FAM227B: variants seen among roughly 807,000 people sequenced by gnomAD.
FAM227B encodes the protein family with sequence similarity 227 member B.
Under a neutral mutation model 73.8 loss-of-function variants are expected in FAM227B, and 88 were observed. That is an observed-to-expected ratio of 1.19 (90% CI 1.00 to 1.42). The LOEUF is 1.42. FAM227B is among the 40% of genes most tolerant of loss of function. FAM227B has a pLI of 0.00. For missense variants in FAM227B, 632 were observed against 590.9 expected, an observed-to-expected ratio of 1.07 and a Z score of -0.72; for synonymous variants, 210 against 190.5, an observed-to-expected ratio of 1.10 and a Z score of -0.84.
At chr15:49,434,627 C>A (rs567021789) in intron 11 of FAM227B, 1 of 151,622 alleles carries the variant, frequency 6.6e-6, no homozygotes, top group East Asian at 2.0e-4. Context: ...TAACATCTTT[C>A]CAAGTATCAA....
At chr15:49,533,545 G>C (rs1366890385) in intron 10 of FAM227B, among the ~76,000 whole-genome samples, 7 of 151,560 alleles carry the variant, frequency 4.6e-5, no homozygotes, top group African/African-American at 1.5e-4. Flanking sequence ...TATATATTTA[G>C]GTGCTCCAAC....
At chr15:49,343,819 A>G (rs1362546199) in intron 13 of FAM227B, 1 of 152,238 alleles carries the variant, frequency 6.6e-6, no homozygotes, top group African/African-American at 2.4e-5. Flanking sequence ...AGATCTGATC[A>G]TACTACACAA....
At chr15:49,611,073 A>G (rs1258294499) in intron 3 of FAM227B, 142 bp downstream of exon 3, 2 of 530,712 alleles carry the variant, frequency 3.8e-6, no homozygotes, top group South Asian at 3.0e-5. Flanking sequence ...CTCAAAGGAC[A>G]TAAGTATTTA....
At chr15:49,385,031 T>C (rs16962416) in intron 11 of FAM227B, among the ~76,000 whole-genome samples, 3,318 of 152,086 alleles carry the variant, frequency 0.022, 92 homozygotes, top group South Asian at 0.078. Context: ...TTGCTCTTCC[T>C]GTAAAACGTG....
At chr15:49,486,854 C>T (rs1467834788) in intron 11 of FAM227B, 52 of 151,784 alleles carry the variant, frequency 3.4e-4, no homozygotes, top group Admixed American at 3.0e-3. Flanking sequence ...TAGTTACACA[C>T]CTTTAGAATT....
At chr15:49,406,266 G>A (rs1307428345) in intron 11 of FAM227B, among the ~76,000 whole-genome samples, 1 of 152,146 alleles carries the variant, frequency 6.6e-6, no homozygotes. Context: ...ATGTGGTGGG[G>A]TGCACACTCG....
chr15:49,538,422 C>G (rs925650025), intron 10 of FAM227B, among the ~76,000 whole-genome samples: 2 of 152,134 alleles, frequency 1.3e-5, no homozygotes, highest in Non-Finnish European at 2.9e-5. Context: ...AAGGTGAAAG[C>G]ATTGACTCAG....
intron 3 of FAM227B, 127 bp downstream of exon 3, chr15:49,611,088 C>A (rs2077882498): frequency 5.2e-6 from 3 of 573,502 alleles, no homozygotes; most frequent in Non-Finnish European, 9.5e-6. Flanking sequence ...TATTTATATA[C>A]ACACTTTCCT....
chr15:49,397,650 T>G (rs564390072), intron 11 of FAM227B, among the ~76,000 whole-genome samples: 67 of 152,340 alleles, frequency 4.4e-4, no homozygotes, highest in African/African-American at 1.6e-3. Context: ...AGCGGATCTC[T>G]TGGCAGAAAC....
At chr15:49,512,102 G>T (rs2059045974) in intron 10 of FAM227B, among the ~76,000 whole-genome samples, 1 of 151,862 alleles carries the variant, frequency 6.6e-6, no homozygotes, top group Non-Finnish European at 1.5e-5. Flanking sequence ...GAACATGCAG[G>T]TTTGTTACAT....
chr15:49,346,660 T>C (rs2041554418), intron 13 of FAM227B, among the ~76,000 whole-genome samples: 1 of 152,166 alleles, frequency 6.6e-6, no homozygotes, highest in Non-Finnish European at 1.5e-5. Context: ...CCCTTAGAGA[T>C]AGTCTTTGGA....
intron 13 of FAM227B, among the ~76,000 whole-genome samples, chr15:49,357,376 G>C (rs1209053442): frequency 6.7e-6 from 1 of 148,808 alleles, no homozygotes; most frequent in African/African-American, 2.5e-5. Flanking sequence ...GAATCAAATA[G>C]ACGCAATAAA....
chr15:49,566,220 A>T (rs999666608), intron 9 of FAM227B, among the ~76,000 whole-genome samples: 15 of 152,094 alleles, frequency 9.9e-5, no homozygotes, highest in Admixed American at 6.6e-5. Context: ...AAAGGGAAAA[A>T]CTCTATAATA....
intron 9 of FAM227B, among the ~76,000 whole-genome samples, chr15:49,543,373 G>C (rs756899978): frequency 1.3e-5 from 2 of 151,976 alleles, no homozygotes; most frequent in Non-Finnish European, 2.9e-5. Context: ...TTTTCTTGCT[G>C]ATTCGTTTGA....
intron 10 of FAM227B, among the ~76,000 whole-genome samples, chr15:49,515,045 C>T (rs993635651): frequency 5.9e-5 from 9 of 152,100 alleles, no homozygotes; most frequent in African/African-American, 2.4e-5. Flanking sequence ...CAGCCATTAC[C>T]TTCTCAAATA....
intron 9 of FAM227B, among the ~76,000 whole-genome samples, chr15:49,562,472 C>T (rs1257705519): frequency 3.3e-5 from 5 of 151,854 alleles, no homozygotes; most frequent in African/African-American, 9.7e-5. Context: ...AACTGAGGAA[C>T]CTTAGCGGGG....
At chr15:49,549,340 T>TTA (rs769655237) in intron 9 of FAM227B, among the ~76,000 whole-genome samples, 6 of 144,564 alleles carry the variant, frequency 4.2e-5, no homozygotes, top group Admixed American at 7.0e-5. Context: ...ATTTATTTAT[T>TTA]TTTATTGATT....
At chr15:49,408,190 T>G (rs965912679) in intron 11 of FAM227B, among the ~76,000 whole-genome samples, 2 of 152,234 alleles carry the variant, frequency 1.3e-5, no homozygotes, top group Admixed American at 6.5e-5. Context: ...TGCATCTGAA[T>G]AATATTTTAA....
chr15:49,388,008 C>A (rs765336507), intron 11 of FAM227B, among the ~76,000 whole-genome samples: 6 of 151,910 alleles, frequency 3.9e-5, no homozygotes, highest in Non-Finnish European at 7.4e-5. Context: ...AAACACATTT[C>A]ATGCTCATGG....
Sources: gnomAD v4.1 joint callset for allele counts (sites outside exome capture counted in the v4.1 genomes callset) on GRCh38, gnomAD v4.1.1 for gene constraint, MANE v1.5 for transcripts, NCBI Gene and HGNC (gene_info 2026-07-23, HGNC 2026-07-21) for gene names.